The following AUTS2 variants were observed in gnomAD, a reference collection of about 807,000 sequenced individuals.
AUTS2 encodes the protein autism susceptibility gene 2 protein.
In AUTS2, 17 loss-of-function variants were observed where a neutral mutation model predicts 112.4. The ratio of observed to expected loss-of-function variants is 0.15; its 90% CI spans 0.10 to 0.23. The LOEUF (loss-of-function observed/expected upper bound fraction) is 0.23. Ranked by LOEUF, AUTS2 falls within the 10% of genes least tolerant of loss-of-function variation. The probability of loss-of-function intolerance (pLI) is 1.00; values close to 1 mark genes in which losing one functional copy is unlikely to be tolerated. For synonymous variants in AUTS2, 751 were observed against 702.7 expected, an observed-to-expected ratio of 1.07 and a Z score of -1.09; for missense variants, 1,510 against 1,701.6, an observed-to-expected ratio of 0.89 and a Z score of 1.98.
intron 1 of AUTS2, among the ~76,000 whole-genome samples, chr7:69,614,259 A>C (rs1793199464): frequency 6.6e-6 from 1 of 152,052 alleles, no homozygotes; most frequent in Admixed American, 6.5e-5. Context: ...AAAGATTTCT[A>C]GATGAATATG....
Position 69,599,348 on chromosome 7 carries a change from T to G in AUTS2, c.-306T>G. ...TAAAGGAGACCTGTGTGTTCAGCCA[T>G]TACTTTGCTCGGCGCTGCTCCCAGG... On this transcript the variant is annotated 5_prime_UTR_variant, in exon 1 of 19. Coordinates refer to ENST00000342771, the MANE Select transcript of AUTS2 (RefSeq NM_015570.4). This position sits in a 1 kb window ranked among gnomAD's most constrained non-coding sequence, Gnocchi z 7.0. The G allele has an allele frequency of 6.6e-6, 2 of 303,030 alleles. No homozygotes were observed. The highest frequency in any genetic ancestry group is 5.1e-5 in the Admixed American group (1 of 19,544). The allele number at this position is 303,030 out of a possible 1,614,324, so 18.8% of individuals were successfully genotyped here. A position where few individuals can be genotyped will look rare whatever the true frequency, so the allele number is the denominator to read the frequency against.
At chr7:69,760,007 G>C (rs931980914) in intron 1 of AUTS2, among the ~76,000 whole-genome samples, 2 of 151,448 alleles carry the variant, frequency 1.3e-5, no homozygotes, top group Non-Finnish European at 2.9e-5. Flanking sequence ...TATTTAGATA[G>C]TAAACTGAAA....
intron 1 of AUTS2, among the ~76,000 whole-genome samples, chr7:69,681,351 A>G (rs1011908127): frequency 6.6e-6 from 1 of 152,198 alleles, no homozygotes; most frequent in African/African-American, 2.4e-5. Flanking sequence ...TATAGGAGTC[A>G]TACCATTTTG....
chr7:70,708,162 A>T (rs74459427), intron 6 of AUTS2, among the ~76,000 whole-genome samples: 21 of 152,238 alleles, frequency 1.4e-4, no homozygotes, highest in Non-Finnish European at 2.4e-4. Flanking sequence ...GCAGAGTAAC[A>T]CTAAAACCTA....
chr7:70,632,770 C>T (rs972999035), intron 5 of AUTS2, among the ~76,000 whole-genome samples: 1 of 152,064 alleles, frequency 6.6e-6, no homozygotes, highest in African/African-American at 2.4e-5. Flanking sequence ...CAGCTCATGC[C>T]ATTAATGGAG....
intron 4 of AUTS2, among the ~76,000 whole-genome samples, chr7:70,260,789 G>A (rs893165875): frequency 4.6e-5 from 7 of 150,686 alleles, no homozygotes; most frequent in East Asian, 2.0e-4. Context: ...TCACTCTGTC[G>A]CCCTGGCTAG....
intron 1 of AUTS2, among the ~76,000 whole-genome samples, chr7:69,842,892 C>T (rs1792041359): frequency 6.6e-6 from 1 of 152,150 alleles, no homozygotes; most frequent in African/African-American, 2.4e-5. Flanking sequence ...CGTCTCAGCT[C>T]AGGACTTCCG....
At chr7:70,490,721 A>G (rs1798197664) in intron 5 of AUTS2, among the ~76,000 whole-genome samples, 1 of 152,218 alleles carries the variant, frequency 6.6e-6, no homozygotes, top group Non-Finnish European at 1.5e-5. Context: ...ATCTGGGTCC[A>G]CAGCCCCTAG....
chr7:70,771,081 T>C (rs558165941), intron 10 of AUTS2: 1 of 152,544 alleles, frequency 6.6e-6, no homozygotes, highest in African/African-American at 2.4e-5. Context: ...AGTCTGAAAG[T>C]ACTAATTGAG....
intron 1 of AUTS2, among the ~76,000 whole-genome samples, chr7:69,865,498 A>G (rs1793181963): frequency 6.6e-6 from 1 of 152,060 alleles, no homozygotes; most frequent in Admixed American, 6.6e-5. Flanking sequence ...ATCTCACTTA[A>G]AACCCTCTAA....
In AUTS2 at chr7:70,395,633, C is replaced by T. The variant is rs1259649290; in HGVS notation, c.661-40119C>T. ...TTCACAAGTGATCTCAGTTAGCTGC[C>T]ATGTGCTTAACATAGGTTGAAAGTT... On this transcript the variant is annotated intron_variant, in intron 4 of 18. Coordinates refer to ENST00000342771, the MANE Select transcript of AUTS2 (RefSeq NM_015570.4). Among the ~76,000 whole-genome samples the T allele has an allele frequency of 2.6e-5, 4 of 152,248 alleles. No individual in the cohort carries two copies. The East Asian group carries it at 5.8e-4, about 22-fold the overall frequency.
chr7:70,560,085 G>A (rs1206346047), intron 5 of AUTS2, among the ~76,000 whole-genome samples: 1 of 152,194 alleles, frequency 6.6e-6, no homozygotes, highest in East Asian at 1.9e-4. Flanking sequence ...TTGCACCACA[G>A]AGATTGGTTC....
chr7:69,889,692 TATC>T (rs1458064990), intron 1 of AUTS2, among the ~76,000 whole-genome samples: 8 of 152,210 alleles, frequency 5.3e-5, no homozygotes, highest in African/African-American at 1.9e-4. Context: ...TTAAAGCAAG[TATC>T]ATTAGAATTA....
At chr7:70,267,623 T>G (rs1419236231) in intron 4 of AUTS2, among the ~76,000 whole-genome samples, 2 of 152,160 alleles carry the variant, frequency 1.3e-5, no homozygotes, top group Non-Finnish European at 2.9e-5. Context: ...TAAGTAGATG[T>G]GACAGTTATG....
intron 1 of AUTS2, among the ~76,000 whole-genome samples, chr7:69,832,657 G>A (rs775590523): frequency 2.7e-4 from 41 of 152,158 alleles, no homozygotes; most frequent in Non-Finnish European, 3.7e-4. Flanking sequence ...TTAACAACAG[G>A]CTAAGAGAAT....
Position 70,213,746 on chromosome 7 carries a change from A to G in AUTS2, c.660+79175A>G, listed in dbSNP as rs568353738. On this transcript the variant is annotated intron_variant, in intron 4 of 18. Transcript: ENST00000342771. ...CATGTCTTCTCTCTTAAGGGATCTTAGGAAGAGGCTACATGGTAAAGAAGA... is the reference window on the plus strand; with the variant it reads ...CATGTCTTCTCTCTTAAGGGATCTTGGGAAGAGGCTACATGGTAAAGAAGA... 2.0e-4 allele frequency among the ~76,000 whole-genome samples: 31 copies of G among 152,324 alleles called. No individual in the cohort carries two copies. In the South Asian group the frequency reaches 5.4e-3, roughly 26 times the overall value.
intron 2 of AUTS2, among the ~76,000 whole-genome samples, chr7:70,030,455 C>T (rs780632559): frequency 4.6e-5 from 7 of 152,132 alleles, no homozygotes; most frequent in Admixed American, 6.6e-5. Flanking sequence ...GCCAGTTTTC[C>T]GCTGTGAAGC....
At chr7:70,165,353 C>T (rs6967512) in intron 4 of AUTS2, among the ~76,000 whole-genome samples, 12,202 of 152,100 alleles carry the variant, frequency 0.08, 628 homozygotes, top group African/African-American at 0.13. Context: ...AGCATACCTA[C>T]GTACACTGAA....
intron 5 of AUTS2, among the ~76,000 whole-genome samples, chr7:70,446,538 A>G (rs1420213111): frequency 6.6e-6 from 1 of 152,182 alleles, no homozygotes; most frequent in Non-Finnish European, 1.5e-5. Context: ...GAGCTGGATC[A>G]TGGGTTAGTT....
Sources: allele counts gnomAD v4.1 joint callset (sites outside exome capture counted in the v4.1 genomes callset), GRCh38; gene constraint gnomAD v4.1.1; non-coding constraint Gnocchi (gnomAD v3.1); transcripts MANE v1.5; gene names NCBI Gene and HGNC (gene_info 2026-07-23, HGNC 2026-07-21).